The following KIAA1328 variants were observed in gnomAD, a reference collection of about 807,000 sequenced individuals.
KIAA1328 encodes KIAA1328.
A neutral mutation model predicts 68.1 loss-of-function variants in KIAA1328; 52 were observed. The observed-to-expected ratio is 0.76, with a 90% CI of 0.61 to 0.96. KIAA1328 has a LOEUF of 0.96. KIAA1328 is among the 40% of genes least tolerant of loss of function. The probability of loss-of-function intolerance (pLI) is 0.00; values close to 1 mark genes in which losing one functional copy is unlikely to be tolerated. For synonymous variants in KIAA1328, 232 were observed against 239.4 expected (o/e 0.97, Z 0.28); for missense variants, 641 against 677.6 (o/e 0.95, Z 0.60).
intron 5 of KIAA1328, among the ~76,000 whole-genome samples, chr18:36,955,314 CTTTTTTT>C (rs60361116): frequency 1.4e-4 from 18 of 129,078 alleles, no homozygotes; most frequent in African/African-American, 2.8e-4. Flanking sequence ...TTTTTCTTTT[CTTTTTTT>C]TTTTTTTTTT....
chr18:37,197,489 C>T (rs1444278988), intron 9 of KIAA1328, among the ~76,000 whole-genome samples: 1 of 151,948 alleles, frequency 6.6e-6, no homozygotes, highest in Non-Finnish European at 1.5e-5. Context: ...GATATTAGTC[C>T]CAGGCAGAAT....
intron 7 of KIAA1328, among the ~76,000 whole-genome samples, chr18:37,141,310 A>G (rs2058759509): frequency 6.6e-6 from 1 of 152,182 alleles, no homozygotes. Flanking sequence ...TTGAAATATT[A>G]TTGTGTGTTC....
chr18:36,889,307 G>A (rs1468068579), intron 5 of KIAA1328, among the ~76,000 whole-genome samples: 1 of 152,162 alleles, frequency 6.6e-6, no homozygotes, highest in African/African-American at 2.4e-5. Flanking sequence ...AGAGAAATAT[G>A]TACAATAACA....
At chr18:37,180,790 T>A (rs1036952917) in intron 9 of KIAA1328, among the ~76,000 whole-genome samples, 4 of 152,122 alleles carry the variant, frequency 2.6e-5, no homozygotes, top group Non-Finnish European at 5.9e-5. Flanking sequence ...ATCACAAACC[T>A]CTGCTGGGGT....
chr18:36,878,077 C>T (rs576698216), intron 4 of KIAA1328, among the ~76,000 whole-genome samples: 6 of 152,136 alleles, frequency 3.9e-5, no homozygotes, highest in South Asian at 2.1e-4. Context: ...TTTGCCTATT[C>T]GTTGATGCAG....
At chr18:37,109,658 A>G (rs971623651) in intron 7 of KIAA1328, among the ~76,000 whole-genome samples, 1 of 152,210 alleles carries the variant, frequency 6.6e-6, no homozygotes, top group Non-Finnish European at 1.5e-5. Flanking sequence ...GCTACCACTT[A>G]TTAAATACAA....
chr18:37,077,838 G>C (rs530699862), intron 7 of KIAA1328, among the ~76,000 whole-genome samples: 4,932 of 151,470 alleles, frequency 0.033, 234 homozygotes, highest in African/African-American at 0.11. Flanking sequence ...AGGATACAAA[G>C]AAATGGAAGA....
At chr18:37,192,000 G>C (rs1489398916) in intron 9 of KIAA1328, among the ~76,000 whole-genome samples, 1 of 152,204 alleles carries the variant, frequency 6.6e-6, no homozygotes, top group African/African-American at 2.4e-5. Flanking sequence ...TCTGGTTTCA[G>C]CTTGCTCACA....
intron 7 of KIAA1328, among the ~76,000 whole-genome samples, chr18:37,104,569 A>C (rs2151882478): frequency 6.6e-6 from 1 of 152,296 alleles, no homozygotes; most frequent in South Asian, 2.1e-4. Context: ...GGAAGGAATA[A>C]GTTCTAGCAT....
chr18:37,158,312 A>G (rs2059201776), intron 7 of KIAA1328, among the ~76,000 whole-genome samples: 1 of 152,064 alleles, frequency 6.6e-6, no homozygotes, highest in Admixed American at 6.6e-5. Context: ...AGAGGGATGC[A>G]TTTTCATTTT....
chr18:36,974,757 G>A (rs914173932), intron 6 of KIAA1328, among the ~76,000 whole-genome samples: 11 of 152,094 alleles, frequency 7.2e-5, no homozygotes, highest in Non-Finnish European at 1.3e-4. Flanking sequence ...ATTTACACTC[G>A]CATCAACAGT....
chr18:36,836,215 C>G (rs1286773063), intron 3 of KIAA1328, among the ~76,000 whole-genome samples: 1 of 152,164 alleles, frequency 6.6e-6, no homozygotes, highest in African/African-American at 2.4e-5. Context: ...GCCTACTTTA[C>G]GTTACTTGTA....
chr18:37,081,442 T>C (rs1355201878), intron 7 of KIAA1328, among the ~76,000 whole-genome samples: 1 of 152,212 alleles, frequency 6.6e-6, no homozygotes, highest in Non-Finnish European at 1.5e-5. Context: ...GTTGCCCTAC[T>C]CTTTGGCCTG....
chr18:36,869,919 A>G lies in KIAA1328; in HGVS notation c.333-15638A>G, dbSNP rs192116808. 1.9e-3 allele frequency among the ~76,000 whole-genome samples: 286 copies of G among 151,974 alleles called. 1 individual carries two copies. Among genetic ancestry groups the G allele is most frequent in the Non-Finnish European group, 1.9e-3 (126 of 67,948 alleles). ...CACTCTGTCACCAGGCTGGAGTGCA[A>G]TGGCGCGATCTGGGCTCACTGCAAC... On this transcript the variant is annotated intron_variant, in intron 4 of 9. Transcript: ENST00000280020.
At chr18:36,956,095 A>C (rs2051402824) in intron 5 of KIAA1328, among the ~76,000 whole-genome samples, 1 of 152,026 alleles carries the variant, frequency 6.6e-6, no homozygotes, top group Non-Finnish European at 1.5e-5. Context: ...ACTTTTACTT[A>C]TCTATCTAAT....
intron 4 of KIAA1328, among the ~76,000 whole-genome samples, chr18:36,863,403 A>T (rs2047634441): frequency 6.6e-6 from 1 of 152,046 alleles, no homozygotes; most frequent in South Asian, 2.1e-4. Context: ...TTTCTCTGTC[A>T]ACTGCCTTGA....
At chr18:36,858,392 C>G (rs952265748) in intron 4 of KIAA1328, among the ~76,000 whole-genome samples, 2 of 152,088 alleles carry the variant, frequency 1.3e-5, no homozygotes, top group African/African-American at 2.4e-5. Flanking sequence ...TAATTTTAGA[C>G]TTACAGATGA....
At chr18:37,200,083 C>T (rs1423443124) in intron 9 of KIAA1328, among the ~76,000 whole-genome samples, 1 of 152,178 alleles carries the variant, frequency 6.6e-6, no homozygotes, top group Non-Finnish European at 1.5e-5. Context: ...GTTTTTAGAA[C>T]AATCTCTGTT....
At chr18:36,839,413 T>C (rs527786038) in intron 3 of KIAA1328, among the ~76,000 whole-genome samples, 1 of 152,218 alleles carries the variant, frequency 6.6e-6, no homozygotes, top group Non-Finnish European at 1.5e-5. Context: ...TTCAGTCTCT[T>C]ATTTTTGTTT....
Sources: allele counts gnomAD v4.1 joint callset (sites outside exome capture counted in the v4.1 genomes callset), GRCh38; gene constraint gnomAD v4.1.1; transcripts MANE v1.5; gene names NCBI Gene and HGNC (gene_info 2026-07-23, HGNC 2026-07-21).